Variants in FHIT observed in about 807,000 individuals in gnomAD.
FHIT encodes the protein bis(5'-adenosyl)-triphosphatase.
Under a neutral mutation model 17.9 loss-of-function variants are expected in FHIT, and 19 were observed. The observed-to-expected ratio is 1.06, with a 90% CI of 0.74 to 1.56. The LOEUF (loss-of-function observed/expected upper bound fraction) is 1.56. FHIT is among the 40% of genes most tolerant of loss of function. FHIT has a pLI of 0.00. For synonymous variants in FHIT, 81 were observed against 69.7 expected, an observed-to-expected ratio of 1.16 and a Z score of -0.81; for missense variants, 248 against 189.2, an observed-to-expected ratio of 1.31 and a Z score of -1.82.
chr3:59,955,745 C>G (rs1021585887), intron 7 of FHIT, among the ~76,000 whole-genome samples: 1 of 152,192 alleles, frequency 6.6e-6, no homozygotes, highest in African/African-American at 2.4e-5. Flanking sequence ...TCCTCTCCCC[C>G]TCTCCCAACA....
intron 4 of FHIT, among the ~76,000 whole-genome samples, chr3:60,561,962 G>A (rs528841572): frequency 5.2e-4 from 79 of 152,084 alleles, no homozygotes; most frequent in African/African-American, 1.9e-3. Context: ...GAGAGAGAGA[G>A]AGAAAGATAA....
At chr3:60,352,535 T>C (rs1189470092) in intron 5 of FHIT, among the ~76,000 whole-genome samples, 3 of 152,116 alleles carry the variant, frequency 2.0e-5, no homozygotes, top group South Asian at 2.1e-4. Context: ...GGAGTCTTAC[T>C]CTGTCATTCA....
At chr3:60,131,636 C>A (rs574790612) in intron 5 of FHIT, among the ~76,000 whole-genome samples, 1 of 152,200 alleles carries the variant, frequency 6.6e-6, no homozygotes, top group South Asian at 2.1e-4. Flanking sequence ...ATGTCTCCTT[C>A]TCTTTTGCCT....
At chr3:60,454,641 C>G (rs957159476) in intron 5 of FHIT, among the ~76,000 whole-genome samples, 1 of 152,112 alleles carries the variant, frequency 6.6e-6, no homozygotes, top group African/African-American at 2.4e-5. Flanking sequence ...GCCTTAGCCT[C>G]TCAAAGTGCT....
At chr3:60,973,001 A>G (rs1022114015) in intron 3 of FHIT, among the ~76,000 whole-genome samples, 1 of 152,052 alleles carries the variant, frequency 6.6e-6, no homozygotes, top group Admixed American at 6.6e-5. Context: ...ATAGCTATAG[A>G]TCTTATAGCT....
At chr3:60,709,821 T>C (rs1480519424) in intron 4 of FHIT, among the ~76,000 whole-genome samples, 2 of 152,222 alleles carry the variant, frequency 1.3e-5, no homozygotes, top group African/African-American at 4.8e-5. Flanking sequence ...CAACAAATAC[T>C]GGCCAACGGT....
At chr3:60,373,093 A>G (rs1381487140) in intron 5 of FHIT, among the ~76,000 whole-genome samples, 1 of 152,218 alleles carries the variant, frequency 6.6e-6, no homozygotes, top group African/African-American at 2.4e-5. Flanking sequence ...TGGGTGATGG[A>G]CATACTGATG....
At chr3:60,059,175 C>T (rs920675670) in intron 5 of FHIT, among the ~76,000 whole-genome samples, 6 of 152,130 alleles carry the variant, frequency 3.9e-5, no homozygotes, top group Admixed American at 6.5e-5. Flanking sequence ...AGGGAAAGAC[C>T]GTCTTCCTAT....
chr3:60,022,061 T>C (rs1344686863), intron 5 of FHIT, among the ~76,000 whole-genome samples: 2 of 152,218 alleles, frequency 1.3e-5, no homozygotes, highest in Non-Finnish European at 2.9e-5. Context: ...ATCTACAAAA[T>C]AATAATGATT....
chr3:61,003,723 A>C (rs980998021), intron 3 of FHIT, among the ~76,000 whole-genome samples: 4 of 152,250 alleles, frequency 2.6e-5, no homozygotes, highest in Non-Finnish European at 4.4e-5. Flanking sequence ...GAGAAGAAAA[A>C]ATGTTCTTTA....
intron 4 of FHIT, among the ~76,000 whole-genome samples, chr3:60,752,554 G>T (rs1553717112): frequency 1.3e-5 from 2 of 152,200 alleles, no homozygotes; most frequent in African/African-American, 2.4e-5. Context: ...CTCAACAATG[G>T]CTACTTTTTT....
chr3:60,591,482 T>C (rs1258486806), intron 4 of FHIT, among the ~76,000 whole-genome samples: 1 of 151,986 alleles, frequency 6.6e-6, no homozygotes, highest in Non-Finnish European at 1.5e-5. Context: ...CCCCAAAGAA[T>C]ATCAACAAGG....
chr3:60,751,039 T>G (rs539231421), intron 4 of FHIT, among the ~76,000 whole-genome samples: 1 of 152,206 alleles, frequency 6.6e-6, no homozygotes, highest in African/African-American at 2.4e-5. Flanking sequence ...TATATGTGAC[T>G]AACAAACTGC....
At chr3:60,929,450 T>C (rs928722964) in intron 3 of FHIT, among the ~76,000 whole-genome samples, 4 of 152,192 alleles carry the variant, frequency 2.6e-5, no homozygotes, top group African/African-American at 9.7e-5. Context: ...CATGATTGTG[T>C]ATCTAGAAAA....
At chr3:60,831,904 A>T (rs567130490) in intron 3 of FHIT, among the ~76,000 whole-genome samples, 39 of 152,264 alleles carry the variant, frequency 2.6e-4, no homozygotes, top group African/African-American at 7.2e-4. Flanking sequence ...GCTAAGATTT[A>T]TGAGACATGA....
chr3:60,880,443 C>T (rs1457706902), intron 3 of FHIT, among the ~76,000 whole-genome samples: 4 of 152,202 alleles, frequency 2.6e-5, no homozygotes, highest in African/African-American at 4.8e-5. Flanking sequence ...ATAAAACTCA[C>T]TGGTAGAGGC....
chr3:60,075,738 G>T (rs1702978003), intron 5 of FHIT, among the ~76,000 whole-genome samples: 1 of 151,852 alleles, frequency 6.6e-6, no homozygotes, highest in African/African-American at 2.4e-5. Flanking sequence ...TATAATACAT[G>T]GCCATCAATT....
intron 5 of FHIT, among the ~76,000 whole-genome samples, chr3:60,410,819 T>C (rs1409469116): frequency 6.6e-6 from 1 of 152,160 alleles, no homozygotes; most frequent in Non-Finnish European, 1.5e-5. Context: ...CTCACTTCCA[T>C]TCTCATATTG....
chr3:60,537,250 C>T (rs1243791089), intron 4 of FHIT, among the ~76,000 whole-genome samples: 1 of 152,118 alleles, frequency 6.6e-6, no homozygotes, highest in Non-Finnish European at 1.5e-5. Flanking sequence ...CCCCTTCACT[C>T]CCTCTGCACT....
Sources: allele counts gnomAD v4.1 joint callset (sites outside exome capture counted in the v4.1 genomes callset), GRCh38; gene constraint gnomAD v4.1.1; transcripts MANE v1.5; gene names NCBI Gene and HGNC (gene_info 2026-07-23, HGNC 2026-07-21).